TTC29: variants seen among roughly 807,000 people sequenced by gnomAD.
TTC29 encodes tetratricopeptide repeat protein 29.
Under a neutral mutation model 58.1 loss-of-function variants are expected in TTC29, and 49 were observed. That is an observed-to-expected ratio of 0.84 (90% CI 0.67 to 1.07). The LOEUF is 1.07. TTC29 is among the 50% of genes least tolerant of loss of function. The pLI, the probability that TTC29 is intolerant of heterozygous loss-of-function variation, is 0.00. For missense variants in TTC29, 582 were observed against 555.6 expected (o/e 1.05, Z -0.48); for synonymous variants, 209 against 196.8 (o/e 1.06, Z -0.52).
At chr4:146,892,367 G>A (rs1307244763) in intron 6 of TTC29, among the ~76,000 whole-genome samples, 5 of 152,094 alleles carry the variant, frequency 3.3e-5, no homozygotes, top group African/African-American at 1.2e-4. Context: ...CTCCATGCAA[G>A]GCTGGTTCAA....
At chr4:146,764,961 G>A (rs186559778) in intron 11 of TTC29, among the ~76,000 whole-genome samples, 9 of 152,020 alleles carry the variant, frequency 5.9e-5, no homozygotes, top group South Asian at 2.1e-4. Context: ...ATGATCTCAC[G>A]TTTCATGTAC....
At chr4:146,868,374 A>T (rs890320856) in intron 7 of TTC29, among the ~76,000 whole-genome samples, 9 of 152,158 alleles carry the variant, frequency 5.9e-5, no homozygotes, top group Non-Finnish European at 1.0e-4. Flanking sequence ...AAGTATAATA[A>T]TAATTAAAAA....
chr4:146,855,078 C>T (rs187722921), intron 8 of TTC29, among the ~76,000 whole-genome samples: 2 of 152,168 alleles, frequency 1.3e-5, no homozygotes, highest in African/African-American at 4.8e-5. Flanking sequence ...GGGTGATTCG[C>T]TTGAGGTCAG....
At chr4:146,844,981 G>A (rs1306762795) in intron 8 of TTC29, among the ~76,000 whole-genome samples, 1 of 152,120 alleles carries the variant, frequency 6.6e-6, no homozygotes, top group African/African-American at 2.4e-5. Flanking sequence ...GACTGCTGCT[G>A]CTGTGTAGGG....
At chr4:146,846,653 CATTTGTGGGTGACT>C (rs1729193174) in intron 8 of TTC29, among the ~76,000 whole-genome samples, 1 of 152,088 alleles carries the variant, frequency 6.6e-6, no homozygotes, top group Non-Finnish European at 1.5e-5. Flanking sequence ...GGGTGTTTTA[CATTTGTGGGTGACT>C]ATCTAGAAGG....
At chr4:146,859,004 C>T (rs1730054622) in intron 8 of TTC29, among the ~76,000 whole-genome samples, 3 of 152,096 alleles carry the variant, frequency 2.0e-5, no homozygotes, top group Admixed American at 2.0e-4. Context: ...AAATGTCTAA[C>T]GATCAAAGAT....
chr4:146,828,612 A>G (rs1727962605), intron 9 of TTC29, among the ~76,000 whole-genome samples: 1 of 152,142 alleles, frequency 6.6e-6, no homozygotes, highest in East Asian at 1.9e-4. Context: ...TTGTTAAATC[A>G]AGATATATAC....
intron 8 of TTC29, among the ~76,000 whole-genome samples, chr4:146,834,456 A>G (rs1426613059): frequency 1.3e-5 from 2 of 152,220 alleles, no homozygotes; most frequent in Non-Finnish European, 2.9e-5. Flanking sequence ...TCAAAAGATT[A>G]CAGCTGCCAC....
At chr4:146,737,042 T>C (rs1010863239) in intron 11 of TTC29, among the ~76,000 whole-genome samples, 1 of 152,162 alleles carries the variant, frequency 6.6e-6, no homozygotes, top group African/African-American at 2.4e-5. Flanking sequence ...AGCTGCCACT[T>C]TGATCAAAGA....
At chr4:146,792,413 T>G (rs576926717) in intron 11 of TTC29, among the ~76,000 whole-genome samples, 1 of 152,178 alleles carries the variant, frequency 6.6e-6, no homozygotes, top group African/African-American at 2.4e-5. Flanking sequence ...TTACTTAATA[T>G]GTTAAGCCCA....
chr4:146,935,724 A>G (rs1382847971), intron 4 of TTC29, among the ~76,000 whole-genome samples: 1 of 152,188 alleles, frequency 6.6e-6, no homozygotes, highest in Non-Finnish European at 1.5e-5. Flanking sequence ...AGTATTTTAC[A>G]ATAAAATATC....
chr4:146,821,951 T>C (rs2150142426), intron 9 of TTC29, among the ~76,000 whole-genome samples: 1 of 150,938 alleles, frequency 6.6e-6, no homozygotes, highest in East Asian at 1.9e-4. Flanking sequence ...CTGGAGTACA[T>C]TCACTCACCT....
intron 4 of TTC29, among the ~76,000 whole-genome samples, chr4:146,930,665 A>C (rs1735271510): frequency 6.6e-6 from 1 of 152,210 alleles, no homozygotes. Flanking sequence ...GGGTCTAAAT[A>C]GTTTTTAATC....
chr4:146,903,398 A>T, intron 6 of TTC29, 146 bp downstream of exon 6: 1 of 641,460 alleles, frequency 1.6e-6, no homozygotes, highest in Non-Finnish European at 2.5e-6. Context: ...TCCACAAGTC[A>T]CATGGTTTTG....
chr4:146,820,025 T>C, intron 10 of TTC29, 100 bp downstream of exon 10: 1 of 1,483,892 alleles, frequency 6.7e-7, no homozygotes, highest in Non-Finnish European at 9.2e-7. Context: ...CATAATATAT[T>C]GTGGGAAGAC....
At chr4:146,809,260 G>GT (rs1365783870) in intron 10 of TTC29, among the ~76,000 whole-genome samples, 1 of 149,860 alleles carries the variant, frequency 6.7e-6, no homozygotes, top group Non-Finnish European at 1.5e-5. Context: ...AAACTTAAAC[G>GT]TAAGACCTAA....
chr4:146,924,905 G>C (rs1277920701), intron 4 of TTC29, among the ~76,000 whole-genome samples: 1 of 151,820 alleles, frequency 6.6e-6, no homozygotes, highest in South Asian at 2.1e-4. Flanking sequence ...TTGACATGCT[G>C]TGTTTTCTTT....
chr4:146,726,830 A>G (rs1579533256), intron 11 of TTC29, among the ~76,000 whole-genome samples: 1 of 152,170 alleles, frequency 6.6e-6, no homozygotes, highest in Non-Finnish European at 1.5e-5. Flanking sequence ...AGTAAAGAAA[A>G]TAATAGGCCC....
At chr4:146,778,496 G>A (rs1748285283) in intron 11 of TTC29, among the ~76,000 whole-genome samples, 1 of 152,042 alleles carries the variant, frequency 6.6e-6, no homozygotes, top group African/African-American at 2.4e-5. Flanking sequence ...TTCTGTCAAG[G>A]ATCGTTTCAT....
Sources: allele counts gnomAD v4.1 joint callset (sites outside exome capture counted in the v4.1 genomes callset), GRCh38; gene constraint gnomAD v4.1.1; transcripts MANE v1.5; gene names NCBI Gene and HGNC (gene_info 2026-07-23, HGNC 2026-07-21).